Variants in SUGCT observed in about 807,000 individuals in gnomAD.
SUGCT encodes the protein succinyl-CoA:glutarate-CoA transferase.
Under a neutral mutation model 55.0 loss-of-function variants are expected in SUGCT, and 41 were observed. That is an observed-to-expected ratio of 0.74 (90% CI 0.58 to 0.97). The LOEUF is 0.97. SUGCT is among the 50% of genes least tolerant of loss of function. The pLI, the probability that SUGCT is intolerant of heterozygous loss-of-function variation, is 0.00. For synonymous variants in SUGCT, 187 were observed against 200.4 expected (o/e 0.93, Z 0.56); for missense variants, 568 against 547.8 (o/e 1.04, Z -0.37).
In SUGCT at chr7:40,362,607, TGTAA is replaced by T. The variant is rs575177944; in HGVS notation, c.816+45756_816+45759del. Reference sequence around the variant, plus strand: ...TTTCTCTTTGACAGTACTATATAGCTGTAAGTATTAATAATGATTATATCCAACA... The same window carrying T: ...TTTCTCTTTGACAGTACTATATAGCTGTATTAATAATGATTATATCCAACA... On this transcript the variant is annotated intron_variant, in intron 9 of 13. Transcript: ENST00000335693. 1.5e-3 allele frequency among the ~76,000 whole-genome samples: 225 copies of T among 152,290 alleles called. 1 individual carries two copies. The highest frequency in any genetic ancestry group is 5.2e-3 in the African/African-American group (217 of 41,576).
chr7:40,223,783 G>C (rs932312791), intron 6 of SUGCT, among the ~76,000 whole-genome samples: 1 of 151,886 alleles, frequency 6.6e-6, no homozygotes, highest in Non-Finnish European at 1.5e-5. Context: ...ATTAAATAAA[G>C]ATGTAGACTG....
At chr7:40,595,541 A>G (rs1469900576) in intron 12 of SUGCT, among the ~76,000 whole-genome samples, 4 of 152,156 alleles carry the variant, frequency 2.6e-5, no homozygotes, top group African/African-American at 9.6e-5. Flanking sequence ...GGACAGGGGC[A>G]TGGAAAAAGA....
intron 12 of SUGCT, among the ~76,000 whole-genome samples, chr7:40,577,454 T>C (rs1796832228): frequency 6.6e-6 from 1 of 152,100 alleles, no homozygotes; most frequent in Non-Finnish European, 1.5e-5. Flanking sequence ...GTTGAGTAAA[T>C]TCAGTAAATG....
At chr7:40,557,450 A>G (rs1795608470) in intron 12 of SUGCT, among the ~76,000 whole-genome samples, 1 of 152,224 alleles carries the variant, frequency 6.6e-6, no homozygotes, top group South Asian at 2.1e-4. Context: ...AATGGGCTTC[A>G]TCAAAATTAA....
chr7:40,962,503 T>C, the SUGCT span, among the ~76,000 whole-genome samples: 1 of 151,300 alleles, frequency 6.6e-6, no homozygotes, highest in Non-Finnish European at 1.5e-5. Context: ...AATATTCAGT[T>C]CAATAGACTG....
At chr7:40,789,714 T>A (rs866829259) in intron 13 of SUGCT, among the ~76,000 whole-genome samples, 58 of 152,164 alleles carry the variant, frequency 3.8e-4, no homozygotes, top group Admixed American at 2.1e-3. Flanking sequence ...AGAAATAGAG[T>A]CCTAAAGAGT....
the SUGCT span, among the ~76,000 whole-genome samples, chr7:40,942,922 A>T: frequency 6.6e-6 from 1 of 152,058 alleles, no homozygotes; most frequent in Non-Finnish European, 1.5e-5. Context: ...ATTACTTTTT[A>T]AAAAATATCT....
intron 9 of SUGCT, among the ~76,000 whole-genome samples, chr7:40,336,898 T>G (rs1028624616): frequency 1.3e-5 from 2 of 151,798 alleles, no homozygotes; most frequent in African/African-American, 4.9e-5. Flanking sequence ...TGCTATAAAT[T>G]TCCCTCTACA....
chr7:41,015,604 AAT>A, the SUGCT span, among the ~76,000 whole-genome samples: 4 of 152,130 alleles, frequency 2.6e-5, no homozygotes, highest in African/African-American at 7.2e-5. Flanking sequence ...GAAATGAATC[AAT>A]GTTTCAGTTT....
intron 12 of SUGCT, among the ~76,000 whole-genome samples, chr7:40,514,032 C>A (rs1364119766): frequency 6.6e-6 from 1 of 151,828 alleles, no homozygotes; most frequent in African/African-American, 2.4e-5. Flanking sequence ...CCTCGTGATC[C>A]GCCCGCCTCG....
At chr7:40,338,441 T>A (rs2151169137) in intron 9 of SUGCT, among the ~76,000 whole-genome samples, 1 of 152,330 alleles carries the variant, frequency 6.6e-6, no homozygotes, top group African/African-American at 2.4e-5. Flanking sequence ...GAGGCTTTGT[T>A]CGTCTCTTTA....
chr7:40,675,425 A>T (rs932088713), intron 12 of SUGCT, among the ~76,000 whole-genome samples: 11 of 152,220 alleles, frequency 7.2e-5, no homozygotes, highest in Non-Finnish European at 1.6e-4. Context: ...ATGCATATAT[A>T]TTTGTATGTG....
intron 12 of SUGCT, among the ~76,000 whole-genome samples, chr7:40,636,179 C>G (rs1562916653): frequency 6.6e-6 from 1 of 152,194 alleles, no homozygotes; most frequent in Admixed American, 6.5e-5. Flanking sequence ...CAGCTTGTCT[C>G]TGTTTCACAT....
chr7:40,922,310 G>T, the SUGCT span, among the ~76,000 whole-genome samples: 1 of 152,184 alleles, frequency 6.6e-6, no homozygotes, highest in African/African-American at 2.4e-5. Flanking sequence ...CTTCCCTGGT[G>T]GTAGGAGCAC....
intron 13 of SUGCT, among the ~76,000 whole-genome samples, chr7:40,793,699 T>A (rs1790423253): frequency 6.6e-6 from 1 of 152,160 alleles, no homozygotes; most frequent in Admixed American, 6.6e-5. Flanking sequence ...AGAAGTCATG[T>A]CTGTCAACAG....
At chr7:40,726,185 C>T (rs1254329353) in intron 12 of SUGCT, among the ~76,000 whole-genome samples, 2 of 152,014 alleles carry the variant, frequency 1.3e-5, no homozygotes. Flanking sequence ...TTGGAGTCCC[C>T]AAATACTGTA....
chr7:40,515,644 G>A (rs1793191761), intron 12 of SUGCT, among the ~76,000 whole-genome samples: 1 of 152,216 alleles, frequency 6.6e-6, no homozygotes, highest in Non-Finnish European at 1.5e-5. Flanking sequence ...GCATGTATCA[G>A]TACTTCATTC....
At chr7:40,298,695 C>T (rs1338450180) in intron 8 of SUGCT, among the ~76,000 whole-genome samples, 1 of 151,820 alleles carries the variant, frequency 6.6e-6, no homozygotes, top group African/African-American at 2.4e-5. Flanking sequence ...GACATTCTTA[C>T]TGAAATACTC....
intron 13 of SUGCT, among the ~76,000 whole-genome samples, chr7:40,771,398 G>T (rs1789097071): frequency 6.6e-6 from 1 of 152,092 alleles, no homozygotes; most frequent in African/African-American, 2.4e-5. Context: ...AGTCTATCAA[G>T]TAACACAATA....
Sources: allele counts gnomAD v4.1 joint callset (sites outside exome capture counted in the v4.1 genomes callset), GRCh38; gene constraint gnomAD v4.1.1; transcripts MANE v1.5; gene names NCBI Gene and HGNC (gene_info 2026-07-23, HGNC 2026-07-21).